KLF15: variants seen among roughly 807,000 people sequenced by gnomAD.
KLF15 encodes KLF transcription factor 15, also known as Krueppel-like factor 15.
A neutral mutation model predicts 24.6 loss-of-function variants in KLF15; 4 were observed. The observed-to-expected ratio is 0.16, with a 90% CI of 0.08 to 0.37. The LOEUF (loss-of-function observed/expected upper bound fraction) is 0.37, where lower values mean the gene tolerates loss of function less well. Among genes scored for constraint, KLF15 ranks in the 10% least tolerant of loss-of-function variants. The pLI, the probability that KLF15 is intolerant of heterozygous loss-of-function variation, is 1.00. For missense variants in KLF15, 496 were observed against 560.6 expected, an observed-to-expected ratio of 0.88 and a Z score of 1.16; for synonymous variants, 246 against 236.3, an observed-to-expected ratio of 1.04 and a Z score of -0.37.
the KLF15 span, among the ~76,000 whole-genome samples, chr3:126,309,284 C>A: frequency 6.6e-6 from 1 of 152,216 alleles, no homozygotes; most frequent in African/African-American, 2.4e-5. Context: ...CACAGCCCTG[C>A]GCTCTGGCCG....
the KLF15 span, among the ~76,000 whole-genome samples, chr3:126,318,645 G>A: frequency 1.3e-5 from 2 of 152,180 alleles, no homozygotes; most frequent in African/African-American, 2.4e-5. Flanking sequence ...CACCTTCTGA[G>A]CTGGTTTTAG....
chr3:126,289,819 C>A, the KLF15 span, among the ~76,000 whole-genome samples: 1 of 152,200 alleles, frequency 6.6e-6, no homozygotes, highest in Non-Finnish European at 1.5e-5. Flanking sequence ...TAGAAGTTTA[C>A]TTTGCCAAGA....
chr3:126,344,725 T>TG (rs143229041), intron 2 of KLF15, among the ~76,000 whole-genome samples: 2,250 of 152,344 alleles, frequency 0.015, 35 homozygotes, highest in Non-Finnish European at 0.018. Context: ...TCCTCAGACT[T>TG]GAGTCCACCC....
chr3:126,291,759 T>C, the KLF15 span, among the ~76,000 whole-genome samples: 1 of 152,304 alleles, frequency 6.6e-6, no homozygotes, highest in East Asian at 1.9e-4. Context: ...CACCCAGGAA[T>C]GTTAGGGATG....
At chr3:126,310,587 G>A in the KLF15 span, among the ~76,000 whole-genome samples, 1 of 152,286 alleles carries the variant, frequency 6.6e-6, no homozygotes, top group African/African-American at 2.4e-5. Flanking sequence ...TCTGGAGGCT[G>A]GAAGTCCAAG....
chr3:126,344,214 A>T (rs997964922), intron 2 of KLF15, among the ~76,000 whole-genome samples: 2 of 151,980 alleles, frequency 1.3e-5, no homozygotes, highest in African/African-American at 4.8e-5. Flanking sequence ...TGTGCCCACC[A>T]CACCCAGATA....
chr3:126,307,246 A>T, the KLF15 span, among the ~76,000 whole-genome samples: 3 of 151,892 alleles, frequency 2.0e-5, no homozygotes, highest in African/African-American at 7.3e-5. Context: ...ACCACCCAGC[A>T]CCCTTCCTGG....
At chr3:126,341,865 A>G (rs1198369491), downstream of KLF15, among the ~76,000 whole-genome samples, 3 of 152,068 alleles carry the variant, frequency 2.0e-5, no homozygotes, top group African/African-American at 7.2e-5. Flanking sequence ...GACTGGGTGA[A>G]CCAGGGCAGC....
chr3:126,350,409 C>T (rs866885532), intron 2 of KLF15, among the ~76,000 whole-genome samples: 1 of 152,292 alleles, frequency 6.6e-6, no homozygotes, highest in Middle Eastern at 3.4e-3. Context: ...AGAGTGATGT[C>T]CTCACTCAGG....
intron 2 of KLF15, among the ~76,000 whole-genome samples, chr3:126,351,072 C>T (rs941643597): frequency 5.9e-5 from 7 of 118,692 alleles, no homozygotes; most frequent in Non-Finnish European, 1.3e-4. Flanking sequence ...GAGCAGCACC[C>T]GGTGCTCAGG....
At chr3:126,320,195 G>A in the KLF15 span, among the ~76,000 whole-genome samples, 1 of 152,300 alleles carries the variant, frequency 6.6e-6, no homozygotes, top group Admixed American at 6.5e-5. Flanking sequence ...ACTTTGGAGG[G>A]GCAGGACAGG....
At chr3:126,307,317 G>T in the KLF15 span, among the ~76,000 whole-genome samples, 3 of 152,180 alleles carry the variant, frequency 2.0e-5, no homozygotes, top group Non-Finnish European at 4.4e-5. Context: ...TCCAGCATGG[G>T]GCCTGAAATG....
chr3:126,348,345 T>C (rs542696014), intron 2 of KLF15, among the ~76,000 whole-genome samples: 5 of 152,194 alleles, frequency 3.3e-5, no homozygotes, highest in African/African-American at 9.7e-5. Context: ...CTGGTTATTA[T>C]CTCGATTGTG....
chr3:126,345,003 G>A (rs1308265032), intron 2 of KLF15, among the ~76,000 whole-genome samples: 2 of 143,036 alleles, frequency 1.4e-5, no homozygotes, highest in Non-Finnish European at 1.5e-5. Flanking sequence ...CCCCTCCCAC[G>A]ACACACTATC....
chr3:126,355,005 T>G (rs1309896360), intron 1 of KLF15, among the ~76,000 whole-genome samples: 1 of 152,220 alleles, frequency 6.6e-6, no homozygotes, highest in Non-Finnish European at 1.5e-5. Flanking sequence ...ACTCAGCCAG[T>G]GCCAGCCATT....
intron 2 of KLF15, among the ~76,000 whole-genome samples, chr3:126,346,593 G>A (rs1442715099): frequency 6.6e-6 from 1 of 152,172 alleles, no homozygotes; most frequent in Non-Finnish European, 1.5e-5. Context: ...GACACCCTGG[G>A]AAGGACAGGC....
In KLF15 at chr3:126,342,965, C is replaced by T. The variant is rs1322981028; in HGVS notation, c.*762G>A. 3.3e-5 allele frequency: 5 copies of T among 152,480 alleles called. No homozygotes were observed. The East Asian group carries it at 9.7e-4, about 30-fold the overall frequency. 9.4% of individuals were successfully genotyped at this position (152,480 alleles called of 1,614,324 possible). A position where few individuals can be genotyped will look rare whatever the true frequency, so the allele number is the denominator to read the frequency against. On this transcript the variant is annotated 3_prime_UTR_variant, in exon 3 of 3. Transcript: ENST00000296233. ...CCCAGGACAGCCTGGCCCTCTCCTC[C>T]CAAGGCCACCCTAAAGGCTGGTGTC... is the stretch of plus-strand genomic sequence containing the variant.
chr3:126,345,336 T>C (rs1490563677), intron 2 of KLF15, among the ~76,000 whole-genome samples: 2 of 152,136 alleles, frequency 1.3e-5, no homozygotes, highest in Non-Finnish European at 2.9e-5. Flanking sequence ...TTTGTCTTGG[T>C]TCCCGGTGGT....
At chr3:126,289,840 G>A in the KLF15 span, among the ~76,000 whole-genome samples, 2 of 152,186 alleles carry the variant, frequency 1.3e-5, no homozygotes, top group Admixed American at 6.5e-5. Flanking sequence ...TTAAGGACAC[G>A]TCTTGGGAGA....
Sources: gnomAD v4.1 joint callset for allele counts (sites outside exome capture counted in the v4.1 genomes callset) on GRCh38, gnomAD v4.1.1 for gene constraint, MANE v1.5 for transcripts, NCBI Gene and HGNC (gene_info 2026-07-23, HGNC 2026-07-21) for gene names.